Variants in SLC14A2 observed in about 807,000 individuals in gnomAD.
SLC14A2 encodes solute carrier family 14 member 2.
In SLC14A2, 91 loss-of-function variants were observed where a neutral mutation model predicts 104.6. The observed-to-expected ratio is 0.87, with a 90% confidence interval of 0.73 to 1.04. The LOEUF is 1.04. Ranked by LOEUF, SLC14A2 falls within the 50% of genes least tolerant of loss-of-function variation. SLC14A2 has a pLI of 0.00. For missense variants in SLC14A2, 1,189 were observed against 1,156.0 expected (o/e 1.03, Z -0.41); for synonymous variants, 476 against 466.4 (o/e 1.02, Z -0.27).
At chr18:45,222,205 C>G (rs369137559) in intron 1 of SLC14A2, among the ~76,000 whole-genome samples, 1 of 152,060 alleles carries the variant, frequency 6.6e-6, no homozygotes, top group Non-Finnish European at 1.5e-5. Flanking sequence ...TAAATTGGAC[C>G]GTATGAATGT....
chr18:45,311,998 A>G (rs1179147230), intron 1 of SLC14A2, among the ~76,000 whole-genome samples: 1 of 152,234 alleles, frequency 6.6e-6, no homozygotes, highest in African/African-American at 2.4e-5. Context: ...TCAAGTGAAG[A>G]AGTCTTAGTG....
In SLC14A2 at chr18:45,465,182, C is replaced by T. The variant is rs140754499; in HGVS notation, c.-124-18051C>T. Among the ~76,000 whole-genome samples the T allele has an allele frequency of 1.9e-4, 29 of 152,210 alleles. No homozygotes were observed. The East Asian group carries it at 2.5e-3, about 13-fold the overall frequency. On this transcript the variant is annotated intron_variant, in intron 1 of 20. Transcript: ENST00000586448. ...AGAGAGAGAGAAATGCAGAAAGAAA[C>T]GGAGAGAAGAAAACACTATCTCTGT...
intron 1 of SLC14A2, among the ~76,000 whole-genome samples, chr18:45,346,917 A>G (rs989535906): frequency 6.6e-6 from 1 of 151,630 alleles, no homozygotes; most frequent in East Asian, 1.9e-4. Context: ...AGCCAAGATC[A>G]TGTCACTGCA....
rs113194947 is a variant in SLC14A2, at chr18:45,277,590, G to A, written c.-125+64399G>A. Reference sequence around the variant, plus strand: ...CACCCAGCTAATATTTTAATTTTTTGTAGAGACAGGGTCTTGCCATGTTGC... The same window carrying A: ...CACCCAGCTAATATTTTAATTTTTTATAGAGACAGGGTCTTGCCATGTTGC... On this transcript the variant is annotated intron_variant, in intron 1 of 20. Transcript: ENST00000586448. 2.2e-3 allele frequency among the ~76,000 whole-genome samples: 337 copies of A among 152,150 alleles called. 1 individual carries two copies. Among genetic ancestry groups the A allele is most frequent in the Non-Finnish European group, 3.5e-3 (237 of 68,006 alleles).
intron 1 of SLC14A2, among the ~76,000 whole-genome samples, chr18:45,327,438 C>G (rs2085247025): frequency 6.6e-6 from 1 of 152,260 alleles, no homozygotes; most frequent in Non-Finnish European, 1.5e-5. Flanking sequence ...CAATGCCATG[C>G]AACCATCACC....
At chr18:45,416,250 CTTT>C (rs574818783) in intron 1 of SLC14A2, among the ~76,000 whole-genome samples, 17 of 125,208 alleles carry the variant, frequency 1.4e-4, no homozygotes, top group Admixed American at 2.4e-4. Context: ...TTTTTGTTTC[CTTT>C]TTTTTTTTTT....
chr18:45,203,238 G>T, the SLC14A2 span, among the ~76,000 whole-genome samples: 13 of 152,146 alleles, frequency 8.5e-5, no homozygotes, highest in Non-Finnish European at 1.8e-4. Flanking sequence ...AGGAAAACAA[G>T]CCCCTGGACA....
intron 1 of SLC14A2, among the ~76,000 whole-genome samples, chr18:45,406,654 G>C (rs1421486541): frequency 6.6e-6 from 1 of 152,104 alleles, no homozygotes; most frequent in African/African-American, 2.4e-5. Flanking sequence ...AAACTTGAAA[G>C]TCACAATTAC....
chr18:45,366,516 T>A (rs1181213413), intron 1 of SLC14A2, among the ~76,000 whole-genome samples: 1 of 152,202 alleles, frequency 6.6e-6, no homozygotes, highest in Non-Finnish European at 1.5e-5. Flanking sequence ...ATACTGTGAA[T>A]TAGAGAGCTG....
intron 1 of SLC14A2, among the ~76,000 whole-genome samples, chr18:45,300,029 C>G (rs772596733): frequency 6.6e-6 from 1 of 152,084 alleles, no homozygotes; most frequent in Non-Finnish European, 1.5e-5. Flanking sequence ...AGAGAAGGAG[C>G]CTCTCAGACA....
intron 1 of SLC14A2, among the ~76,000 whole-genome samples, chr18:45,433,231 A>T (rs143341117): frequency 4.6e-5 from 7 of 152,184 alleles, no homozygotes; most frequent in Admixed American, 1.3e-4. Context: ...TACAGTGGAG[A>T]ATATAGTACC....
chr18:45,626,499 TTCCCTAGTGTCTTTTC>T (rs2045258950), intron 3 of SLC14A2, among the ~76,000 whole-genome samples: 1 of 152,184 alleles, frequency 6.6e-6, no homozygotes, highest in Non-Finnish European at 1.5e-5. Context: ...CAACAATTTC[TTCCCTAGTGTCTTTTC>T]TTCAGGCTAC....
At chr18:45,230,995 G>A (rs900944937) in intron 1 of SLC14A2, among the ~76,000 whole-genome samples, 1 of 152,128 alleles carries the variant, frequency 6.6e-6, no homozygotes, top group South Asian at 2.1e-4. Flanking sequence ...CAACAAAAGT[G>A]TATTGGCAAG....
At chr18:45,440,847 A>C (rs560352182) in intron 1 of SLC14A2, among the ~76,000 whole-genome samples, 1 of 152,196 alleles carries the variant, frequency 6.6e-6, no homozygotes, top group Non-Finnish European at 1.5e-5. Flanking sequence ...AGAACCTACC[A>C]GGAATTGAGA....
At chr18:45,628,911 T>C (rs2045303170) in intron 4 of SLC14A2, among the ~76,000 whole-genome samples, 1 of 152,178 alleles carries the variant, frequency 6.6e-6, no homozygotes, top group South Asian at 2.1e-4. Context: ...CTGTGACTCT[T>C]ACCACCACTG....
At chr18:45,234,984 G>A (rs569911467) in intron 1 of SLC14A2, among the ~76,000 whole-genome samples, 1 of 152,114 alleles carries the variant, frequency 6.6e-6, no homozygotes, top group East Asian at 1.9e-4. Flanking sequence ...AACTTTAGGT[G>A]TTTTTCTTTT....
upstream of SLC14A2, chr18:45,615,170 T>C (rs1306429254): frequency 1.3e-5 from 2 of 152,244 alleles, no homozygotes; most frequent in African/African-American, 4.8e-5. Flanking sequence ...GGACTTTGAC[T>C]TTCAAGTTAA....
intron 1 of SLC14A2, among the ~76,000 whole-genome samples, chr18:45,452,338 C>T (rs992024576): frequency 2.0e-5 from 3 of 152,158 alleles, no homozygotes; most frequent in Non-Finnish European, 4.4e-5. Context: ...TTTTAAAGTG[C>T]ATTATTGCCA....
intron 1 of SLC14A2, among the ~76,000 whole-genome samples, chr18:45,325,700 T>C (rs943408923): frequency 1.3e-5 from 2 of 152,174 alleles, no homozygotes; most frequent in Admixed American, 1.3e-4. Flanking sequence ...GAGTATTCAG[T>C]CTGTTTTTAT....
Sources: gnomAD v4.1 joint callset for allele counts (sites outside exome capture counted in the v4.1 genomes callset) on GRCh38, gnomAD v4.1.1 for gene constraint, MANE v1.5 for transcripts, NCBI Gene and HGNC (gene_info 2026-07-23, HGNC 2026-07-21) for gene names.